Variants in MYO15B observed in about 807,000 individuals in gnomAD.
MYO15B encodes the protein myosin XVB pseudogene.
A neutral mutation model predicts 119.3 loss-of-function variants in MYO15B; 207 were observed. The ratio of observed to expected loss-of-function variants is 1.73; its 90% CI spans 1.55 to 1.95. MYO15B has a LOEUF of 1.95. Among genes scored for constraint, MYO15B ranks in the 30% most tolerant of loss-of-function variants. MYO15B has a pLI of 0.00. For missense variants in MYO15B, 2,264 were observed against 1,203.1 expected (o/e 1.88, Z -13.04); for synonymous variants, 966 against 498.9 (o/e 1.94, Z -12.48).
At chr17:75,601,277 G>A (rs568937180) in intron 14 of MYO15B, among the ~76,000 whole-genome samples, 161 bp from the exon 15 acceptor site, 2 of 152,226 alleles carry the variant, frequency 1.3e-5, no homozygotes, top group African/African-American at 4.8e-5. Context: ...ATCCTCAAAC[G>A]ATCCGACCAC....
intron 30 of MYO15B, 54 bp from the exon 31 acceptor site, chr17:75,614,529 C>G: frequency 1.4e-6 from 1 of 693,670 alleles, no homozygotes; most frequent in Non-Finnish European, 2.6e-6. Context: ...CTTGCCCCAG[C>G]CTGGGTGACC....
At position 75,611,914 on chromosome 17, in the gene MYO15B, C is replaced by T. The variant is rs557233957; in HGVS notation, c.4533C>T (p.Ile1511=). Residue 1511 remains isoleucine, a synonymous_variant, in exon 25 of 64, where the codon ATC becomes ATT. Transcript: ENST00000645453. ...ATCGGGACGCCCTGGCTGGGAGCAT[C>T]ACCGAGTGCCTGCCGCCTGAGGTTC... 3.1e-5 allele frequency: 22 copies of T among 703,000 alleles called. No homozygotes were observed. The African/African-American group carries it at 3.5e-4, about 11-fold the overall frequency. The allele number at this position is 703,000 out of a possible 1,614,324, so 43.5% of individuals were successfully genotyped here.
chr17:75,616,388 G>A, exon 38 of MYO15B: 1 of 616,368 alleles, frequency 1.6e-6, no homozygotes, highest in South Asian at 1.9e-5. Context: ...CGCAGGAGGA[G>A]GAGGAGGAGG....
rs1156540311 is a variant in MYO15B, at chr17:75,591,724, G to C, written c.2547+12G>C. On this transcript the variant is annotated intron_variant, in intron 5 of 63. Coordinates refer to ENST00000645453, the Ensembl canonical transcript of MYO15B. ...ACCGAGAGTGTCAGGTGAGGGCCAG[G>C]CTGGAGGTACCTCATGGGTTGAGCT... The C allele has an allele frequency of 4.3e-6, 3 of 702,920 alleles. No individual in the cohort carries two copies. Among genetic ancestry groups the C allele is most frequent in the Admixed American group, 2.0e-5 (1 of 50,012 alleles). 43.5% of individuals were successfully genotyped at this position (702,920 alleles called of 1,614,324 possible).
exon 41 of MYO15B, chr17:75,617,218 T>C (rs1026456542): frequency 7.2e-6 from 5 of 698,210 alleles, no homozygotes; most frequent in African/African-American, 7.0e-5. Flanking sequence ...GGCCAGAAGC[T>C]GCCTATTGCC....
chr17:75,622,945 C>T (rs1243715384), intron 53 of MYO15B, among the ~76,000 whole-genome samples: 6 of 152,060 alleles, frequency 3.9e-5, no homozygotes, highest in South Asian at 2.1e-4. Context: ...GCTGAGGACA[C>T]GGGGAGAAGG....
exon 30 of MYO15B, chr17:75,614,293 A>C (rs1398702031): frequency 2.8e-6 from 2 of 702,590 alleles, no homozygotes; most frequent in Admixed American, 2.0e-5. Flanking sequence ...GCTGGACCTG[A>C]TCAGCCAGAC....
exon 27 of MYO15B, chr17:75,613,120 T>C (rs1361478835): frequency 1.4e-6 from 1 of 702,624 alleles, no homozygotes; most frequent in African/African-American, 1.7e-5. Context: ...AGAACCCAGA[T>C]GAACAGCAGA....
chr17:75,617,692 G>A, intron 41 of MYO15B, 118 bp from the exon 42 acceptor site: 1 of 604,626 alleles, frequency 1.7e-6, no homozygotes, highest in Non-Finnish European at 3.0e-6. Flanking sequence ...GGCAGCTGGA[G>A]GTTGGGAGAG....
chr17:75,605,804 G>C (rs1388468805), intron 20 of MYO15B, 60 bp from the exon 21 acceptor site: 1 of 651,050 alleles, frequency 1.5e-6, no homozygotes, highest in Non-Finnish European at 2.8e-6. Context: ...GAGACCAGAG[G>C]AGGAGAGCAG....
chr17:75,603,179 T>G lies in MYO15B; in HGVS notation c.3892-9T>G, dbSNP rs970475028. 145 of 702,996 alleles carry G rather than the reference T, an allele frequency of 2.1e-4. No homozygotes were observed. Among genetic ancestry groups the G allele is most frequent in the Middle Eastern group, 1.1e-3 (5 of 4,392 alleles). The allele number at this position is 702,996 out of a possible 1,614,324, so 43.5% of individuals were successfully genotyped here. On this transcript the variant is annotated splice_polypyrimidine_tract_variant and intron_variant, in intron 18 of 63. Transcript: ENST00000645453. ...TCCAGCTGTCTTTGGCTCTGTCTTG[T>G]GGCCACAGCTTCCAGGCCTCTTTGA... is the stretch of plus-strand genomic sequence containing the variant.
intron 13 of MYO15B, 68 bp from the exon 14 acceptor site, chr17:75,596,700 G>A: frequency 4.4e-6 from 3 of 676,378 alleles, no homozygotes; most frequent in Non-Finnish European, 8.1e-6. Flanking sequence ...GAGCCTCAAT[G>A]TACTATTCTA....
At chr17:75,617,839 G>T (rs757214727) in exon 42 of MYO15B, 1 of 702,904 alleles carries the variant, frequency 1.4e-6, no homozygotes, top group South Asian at 1.5e-5. Context: ...GGACCAGGGG[G>T]TCTCCACCCA....
At chr17:75,612,748 G>A (rs367940296) in intron 25 of MYO15B, 50 bp from the exon 26 acceptor site, 8 of 702,428 alleles carry the variant, frequency 1.1e-5, no homozygotes, top group East Asian at 2.7e-5. Flanking sequence ...GGCTCCCCTG[G>A]GCTGTCTGAT....
At chr17:75,588,584 C>G (rs62089219) in exon 1 of MYO15B, 35,490 of 399,250 alleles carry the variant, frequency 0.089, 1,738 homozygotes, top group Middle Eastern at 0.15. Flanking sequence ...CAGCGCGGCA[C>G]AGCCCGGGAG....
intron 43 of MYO15B, 194 bp from the exon 44 acceptor site, chr17:75,618,949 G>A (rs2058540048): frequency 1.7e-6 from 1 of 602,108 alleles, no homozygotes; most frequent in Non-Finnish European, 3.0e-6. Flanking sequence ...GGACAGGTGA[G>A]ACGTGTGAAT....
In MYO15B at chr17:75,597,962, A is replaced by AC. The variant is rs1205278489; in HGVS notation, c.3525+1064dup. ...ACAAACCAAAAACGCAGAGCCAAAT[A>AC]CAAAATCACCCCTGTGCGGCTCCGT... On this transcript the variant is annotated intron_variant, in intron 14 of 63. Coordinates refer to ENST00000645453, the Ensembl canonical transcript of MYO15B. Among the ~76,000 whole-genome samples, 4 of 151,986 alleles carry AC rather than the reference A, an allele frequency of 2.6e-5. No individual in the cohort carries two copies. In the East Asian group the frequency reaches 7.7e-4, roughly 29 times the overall value.
Position 75,624,644 on chromosome 17 carries a change from G to A in MYO15B, c.8542+5G>A, listed in dbSNP as rs1023012183. On this transcript the variant is annotated splice_donor_5th_base_variant and intron_variant, in intron 58 of 63. Transcript: ENST00000645453. Reference sequence around the variant, plus strand: ...TCTTCCTCATCAAAGAGAAGAGTAAGCTTGGGGACGGAGCCTCACGGTGGG... The same window carrying A: ...TCTTCCTCATCAAAGAGAAGAGTAAACTTGGGGACGGAGCCTCACGGTGGG... The A allele has an allele frequency of 1.4e-6, 1 of 703,002 alleles. No homozygotes were observed. Among genetic ancestry groups the A allele is most frequent in the Non-Finnish European group, 2.6e-6 (1 of 385,004 alleles). 43.5% of individuals were successfully genotyped at this position (703,002 alleles called of 1,614,324 possible).
At position 75,601,700 on chromosome 17, in the gene MYO15B, A is replaced by G. The variant is rs1598770187; in HGVS notation, c.3651+137A>G. The G allele has an allele frequency of 4.8e-6, 3 of 621,862 alleles. No homozygotes were observed. In the South Asian group the frequency reaches 5.5e-5, roughly 11 times the overall value. 38.5% of individuals were successfully genotyped at this position (621,862 alleles called of 1,614,324 possible). ...TTGGACACCTGTCCCTACCTGAGCC[A>G]TGGGCCCTGCCCAGTTCTGAGCACG... On this transcript the variant is annotated intron_variant, in intron 15 of 63. Coordinates refer to ENST00000645453, the Ensembl canonical transcript of MYO15B.
Sources: gnomAD v4.1 joint callset for allele counts (sites outside exome capture counted in the v4.1 genomes callset) on GRCh38, gnomAD v4.1.1 for gene constraint, MANE v1.5 for transcripts, NCBI Gene and HGNC (gene_info 2026-07-23, HGNC 2026-07-21) for gene names.